The following SEL1L3 variants were observed in gnomAD, a reference collection of about 807,000 sequenced individuals.
The protein encoded by SEL1L3 is protein sel-1 homolog 3.
A neutral mutation model predicts 142.8 loss-of-function variants in SEL1L3; 76 were observed. That is an observed-to-expected ratio of 0.53 (90% CI 0.44 to 0.64). The LOEUF is 0.64. SEL1L3 is among the 30% of genes least tolerant of loss of function. The pLI is 0.00. For synonymous variants in SEL1L3, 504 were observed against 519.6 expected (o/e 0.97, Z 0.41); for missense variants, 1,262 against 1,381.7 (o/e 0.91, Z 1.37).
At chr4:25,824,233 C>A (rs527291983) in intron 6 of SEL1L3, among the ~76,000 whole-genome samples, 1 of 152,252 alleles carries the variant, frequency 6.6e-6, no homozygotes, top group African/African-American at 2.4e-5. Flanking sequence ...GCACGGGGCA[C>A]TAGATGGATA....
At chr4:25,794,316 C>T (rs1362433544) in intron 11 of SEL1L3, among the ~76,000 whole-genome samples, 1 of 151,944 alleles carries the variant, frequency 6.6e-6, no homozygotes, top group Non-Finnish European at 1.5e-5. Flanking sequence ...GGAACTTAAA[C>T]AAATTTACAA....
At chr4:25,809,072 C>CAA (rs57752271) in intron 9 of SEL1L3, among the ~76,000 whole-genome samples, 36 of 60,270 alleles carry the variant, frequency 6.0e-4, no homozygotes, top group African/African-American at 1.7e-3. Context: ...GACTCTGTCT[C>CAA]AAAAAAAAAA....
Position 25,758,999 on chromosome 4 carries a change from C to G in SEL1L3, c.3025G>C (p.Glu1009Gln). ...TTAGAATGGAGAGTTGAGTCAATTTCCAAGAAATCCAAGATATGGTGTGGG... is the reference window on the plus strand; with the variant it reads ...TTAGAATGGAGAGTTGAGTCAATTTGCAAGAAATCCAAGATATGGTGTGGG... ...IIPHHILDFL[E>Q]IDSTLHSNNI... Residue 1009 changes from glutamate to glutamine, a missense_variant, in exon 21 of 24, where the codon GAA becomes CAA. By Grantham distance (29) the Glu-to-Gln change is conservative. Around this residue, in one of 3 missense-constraint regions of SEL1L3, gnomAD observed 435 missense variants for 559.2 expected, o/e 0.78. Coordinates refer to ENST00000399878, the MANE Select transcript of SEL1L3 (RefSeq NM_015187.5). 1 of 1,613,692 alleles carries G rather than the reference C, an allele frequency of 6.2e-7. No homozygotes were observed. The highest frequency in any genetic ancestry group is 8.5e-7 in the Non-Finnish European group (1 of 1,179,714).
intron 1 of SEL1L3, among the ~76,000 whole-genome samples, chr4:25,856,611 A>AC (rs1268994002): frequency 1.3e-5 from 2 of 151,252 alleles, no homozygotes; most frequent in Admixed American, 6.6e-5. Context: ...AAAAAAAAAA[A>AC]AACAAAGAAA....
chr4:25,733,785 G>C, the SEL1L3 span, among the ~76,000 whole-genome samples: 1 of 151,918 alleles, frequency 6.6e-6, no homozygotes, highest in Non-Finnish European at 1.5e-5. Context: ...AAAGTTCTGG[G>C]ATTACCGATG....
At chr4:25,807,717 A>G (rs1166987203) in intron 9 of SEL1L3, among the ~76,000 whole-genome samples, 1 of 152,140 alleles carries the variant, frequency 6.6e-6, no homozygotes, top group Non-Finnish European at 1.5e-5. Flanking sequence ...CAAATGAAAC[A>G]CTTGTCCTGC....
In SEL1L3 at chr4:25,847,506, C is replaced by A; in HGVS notation, c.521G>T (p.Arg174Leu). The A allele has an allele frequency of 6.2e-7, 1 of 1,613,880 alleles. No homozygotes were observed. ...ACTGTATTTGTGAGTAATCCAGGCG[C>A]GTACTATCACTGCAGATACAGAGAT... ...HSISVSAVIVRAWITHKYSGR... is the reference protein window; with the variant it reads ...HSISVSAVIVLAWITHKYSGR... The change falls in exon 2 of 24, where the codon CGC (arginine) becomes CTC (leucine). Residue 174 changes from arginine (R) to leucine (L), a missense_variant. By Grantham distance (102) the Arg-to-Leu change is moderately radical. This residue lies in a region of SEL1L3 where 689 missense variants were observed against 692.8 expected (regional missense o/e 0.99). Transcript: ENST00000399878.
chr4:25,859,184 G>C (rs1717500138), intron 1 of SEL1L3, among the ~76,000 whole-genome samples: 1 of 152,178 alleles, frequency 6.6e-6, no homozygotes, highest in African/African-American at 2.4e-5. Flanking sequence ...CGTTGGGCAG[G>C]GAAAGTTCTG....
chr4:25,801,571 G>A (rs1713185079), intron 11 of SEL1L3, among the ~76,000 whole-genome samples: 1 of 152,208 alleles, frequency 6.6e-6, no homozygotes, highest in African/African-American at 2.4e-5. Context: ...ATCAGTTGGT[G>A]TAATGTAATA....
At chr4:25,765,795 C>T (rs752684057) in intron 19 of SEL1L3, among the ~76,000 whole-genome samples, 17 of 151,844 alleles carry the variant, frequency 1.1e-4, no homozygotes, top group East Asian at 7.8e-4. Flanking sequence ...TGTGCCACCA[C>T]GCCCGGCTAA....
intron 9 of SEL1L3, among the ~76,000 whole-genome samples, chr4:25,808,761 T>A (rs777452689): frequency 2.8e-5 from 3 of 105,798 alleles, no homozygotes; most frequent in Non-Finnish European, 6.1e-5. Flanking sequence ...CCTGCTTTCT[T>A]TTTCTTTTTC....
intron 11 of SEL1L3, among the ~76,000 whole-genome samples, chr4:25,798,331 G>C (rs1712931380): frequency 6.6e-6 from 1 of 152,120 alleles, no homozygotes; most frequent in Non-Finnish European, 1.5e-5. Flanking sequence ...TGAACAGCAG[G>C]CTTATTTTAA....
rs768102567 is a variant in SEL1L3, at chr4:25,830,165, G to C, written c.1099-9C>G. 1.3e-6 allele frequency: 2 copies of C among 1,586,796 alleles called. No individual in the cohort carries two copies. Among genetic ancestry groups the C allele is most frequent in the East Asian group, 2.2e-5 (1 of 44,722 alleles). ...CTAGTGGTTACTACTATCTATGATG[G>C]GAGGGATACACAAGAATCAGTTATG... On this transcript the variant is annotated splice_polypyrimidine_tract_variant and intron_variant, in intron 5 of 23. Coordinates refer to ENST00000399878, the MANE Select transcript of SEL1L3 (RefSeq NM_015187.5).
chr4:25,754,065 G>A (rs180963731), intron 23 of SEL1L3, among the ~76,000 whole-genome samples: 56 of 152,042 alleles, frequency 3.7e-4, no homozygotes, highest in African/African-American at 1.3e-3. Context: ...CACTTTGGGA[G>A]GCTGAGGTGG....
chr4:25,802,586 T>C, intron 10 of SEL1L3, 124 bp from the exon 11 acceptor site: 1 of 786,898 alleles, frequency 1.3e-6, no homozygotes, highest in Non-Finnish European at 2.0e-6. Flanking sequence ...ATATGTTAAC[T>C]TGCCTTTTTT....
At position 25,761,557 on chromosome 4, in the gene SEL1L3, T is replaced by G. The variant is rs1258370556; in HGVS notation, c.2956-2489A>C. 2.6e-5 allele frequency among the ~76,000 whole-genome samples: 4 copies of G among 152,224 alleles called. No homozygotes were observed. The South Asian group carries it at 8.3e-4, about 32-fold the overall frequency. On this transcript the variant is annotated intron_variant, in intron 20 of 23. Transcript: ENST00000399878. The stretch of plus-strand genomic sequence containing the variant: ...AATAGTCGTATGCAATGTAATAGCT[T>G]AAGGTTCCTTATCTGCTAGATAAAT...
downstream of SEL1L3, among the ~76,000 whole-genome samples, chr4:25,745,085 T>C (rs141023116): frequency 4.3e-4 from 65 of 152,262 alleles, no homozygotes; most frequent in East Asian, 0.012. Context: ...GGATCAGTGT[T>C]GGAAAATCCT....
intron 15 of SEL1L3, among the ~76,000 whole-genome samples, chr4:25,781,381 T>C (rs1470215044): frequency 6.6e-6 from 1 of 151,968 alleles, no homozygotes; most frequent in East Asian, 1.9e-4. Flanking sequence ...CTCACACCTG[T>C]AATCCCAGAA....
chr4:25,855,369 T>C (rs1474090827), intron 1 of SEL1L3, among the ~76,000 whole-genome samples: 1 of 152,236 alleles, frequency 6.6e-6, no homozygotes, highest in African/African-American at 2.4e-5. Context: ...TGTTTAGAAA[T>C]TATGAGTTCA....
Sources: allele counts gnomAD v4.1 joint callset (sites outside exome capture counted in the v4.1 genomes callset), GRCh38; gene constraint gnomAD v4.1.1; regional missense constraint gnomAD v4.1.1; transcripts MANE v1.5; gene names NCBI Gene and HGNC (gene_info 2026-07-23, HGNC 2026-07-21).